The following ARHGAP15 variants were observed in gnomAD, a reference collection of about 807,000 sequenced individuals.
ARHGAP15 encodes rho GTPase-activating protein 15.
A neutral mutation model predicts 63.7 loss-of-function variants in ARHGAP15; 51 were observed. The ratio of observed to expected loss-of-function variants is 0.80; its 90% CI spans 0.64 to 1.01. ARHGAP15 has a LOEUF of 1.01. Ranked by LOEUF, ARHGAP15 falls within the 50% of genes least tolerant of loss-of-function variation. The pLI, the probability that ARHGAP15 is intolerant of heterozygous loss-of-function variation, is 0.00. For synonymous variants in ARHGAP15, 191 were observed against 193.8 expected (o/e 0.99, Z 0.12); for missense variants, 560 against 564.6 (o/e 0.99, Z 0.08).
intron 2 of ARHGAP15, among the ~76,000 whole-genome samples, chr2:143,183,686 C>T (rs1005159293): frequency 2.6e-5 from 4 of 151,312 alleles, no homozygotes; most frequent in African/African-American, 9.7e-5. Context: ...TCTAAATACC[C>T]AGAGATTTCT....
intron 6 of ARHGAP15, among the ~76,000 whole-genome samples, chr2:143,315,820 C>T (rs1438523189): frequency 1.3e-5 from 2 of 149,744 alleles, no homozygotes; most frequent in East Asian, 1.9e-4. Context: ...AGCAGTGGCT[C>T]GGGCCTGTAA....
At chr2:143,370,488 TAAAGTA>T (rs1294315047) in intron 6 of ARHGAP15, among the ~76,000 whole-genome samples, 1 of 148,262 alleles carries the variant, frequency 6.7e-6, no homozygotes, top group Non-Finnish European at 1.5e-5. Flanking sequence ...CCCTAAAACT[TAAAGTA>T]TAATAATAAA....
At chr2:143,586,680 T>A (rs1697122701) in intron 11 of ARHGAP15, among the ~76,000 whole-genome samples, 1 of 151,338 alleles carries the variant, frequency 6.6e-6, no homozygotes, top group Non-Finnish European at 1.5e-5. Flanking sequence ...TGTAAATATT[T>A]TTTTTTTAAC....
chr2:143,533,463 A>T (rs1559032910), intron 10 of ARHGAP15: 1 of 152,264 alleles, frequency 6.6e-6, no homozygotes, highest in East Asian at 1.9e-4. Flanking sequence ...TCCTTCTGGC[A>T]CACCTGCCTC....
chr2:143,553,023 A>G (rs868863269), intron 10 of ARHGAP15, among the ~76,000 whole-genome samples: 3 of 152,186 alleles, frequency 2.0e-5, no homozygotes, highest in Non-Finnish European at 4.4e-5. Flanking sequence ...CAAATCCACC[A>G]ATTTACATTG....
intron 6 of ARHGAP15, among the ~76,000 whole-genome samples, chr2:143,404,889 T>C (rs1220862364): frequency 6.6e-6 from 1 of 152,024 alleles, no homozygotes; most frequent in Non-Finnish European, 1.5e-5. Context: ...ACTTAGGTAG[T>C]GGTGAGAACT....
chr2:143,413,971 G>GCGCGCGCGCGCGCGCGCGCGCA (rs147891307), intron 6 of ARHGAP15, among the ~76,000 whole-genome samples: 2 of 147,640 alleles, frequency 1.4e-5, no homozygotes, highest in East Asian at 2.0e-4. Flanking sequence ...GTGTGTGCGC[G>GCGCGCGCGCGCGCGCGCGCGCA]CTCTCTGGCA....
At chr2:143,157,541 T>C (rs1286619679) in intron 2 of ARHGAP15, among the ~76,000 whole-genome samples, 1 of 151,872 alleles carries the variant, frequency 6.6e-6, no homozygotes, top group Admixed American at 6.6e-5. Flanking sequence ...GCAATATGTA[T>C]TCCTCGATAA....
intron 6 of ARHGAP15, among the ~76,000 whole-genome samples, chr2:143,426,870 T>C (rs1183690582): frequency 1.3e-5 from 2 of 152,232 alleles, no homozygotes; most frequent in Admixed American, 6.5e-5. Context: ...TGTAAAATTA[T>C]GAAATACACC....
rs190357690 is a variant in ARHGAP15 at position 143,620,173 on chromosome 2, T to A, written c.1004-3960T>A. Among the ~76,000 whole-genome samples, 73 of 152,310 alleles carry A rather than the reference T, an allele frequency of 4.8e-4. No homozygotes were observed. The East Asian group carries it at 0.012, about 26-fold the overall frequency. ...TGTTTTTCAGGTACATTTTCCCATT[T>A]GATACCAACAATTATCCTTCTATCT... On this transcript the variant is annotated intron_variant, in intron 11 of 13. Transcript: ENST00000295095.
intron 6 of ARHGAP15, among the ~76,000 whole-genome samples, chr2:143,254,867 T>TAAA (rs10547943): frequency 2.0e-5 from 3 of 148,780 alleles, no homozygotes; most frequent in Non-Finnish European, 4.5e-5. Context: ...TCACTCCTAT[T>TAAA]AAAAAAAAAA....
chr2:143,643,874 G>A (rs1194637894), intron 12 of ARHGAP15, among the ~76,000 whole-genome samples: 2 of 152,054 alleles, frequency 1.3e-5, no homozygotes, highest in Admixed American at 1.3e-4. Context: ...AAATTGAGAA[G>A]CTGTGTTGAT....
At chr2:143,562,779 A>G (rs1236574648) in intron 11 of ARHGAP15, among the ~76,000 whole-genome samples, 1 of 152,214 alleles carries the variant, frequency 6.6e-6, no homozygotes, top group Non-Finnish European at 1.5e-5. Flanking sequence ...CTAGCTGCTT[A>G]AGAAAATGTA....
intron 8 of ARHGAP15, among the ~76,000 whole-genome samples, chr2:143,457,885 A>T (rs1426742851): frequency 2.6e-5 from 4 of 151,872 alleles, no homozygotes; most frequent in Non-Finnish European, 5.9e-5. Context: ...CATAGTATTA[A>T]ATGTTTTTAA....
At chr2:143,319,315 C>T (rs1276240850) in intron 6 of ARHGAP15, among the ~76,000 whole-genome samples, 2 of 151,604 alleles carry the variant, frequency 1.3e-5, no homozygotes, top group Admixed American at 6.6e-5. Flanking sequence ...GCCTCAGCCT[C>T]GCAGGTTCAT....
At chr2:143,316,486 G>C (rs13408957) in intron 6 of ARHGAP15, among the ~76,000 whole-genome samples, 18,028 of 149,360 alleles carry the variant, frequency 0.12, 1,408 homozygotes, top group African/African-American at 0.22. Flanking sequence ...TCTTTGCCTG[G>C]CAGAATCTCG....
chr2:143,239,413 G>T (rs1407209507), intron 5 of ARHGAP15, among the ~76,000 whole-genome samples: 1 of 151,996 alleles, frequency 6.6e-6, no homozygotes. Context: ...TTGTCTAATA[G>T]AATTTTGTAC....
intron 11 of ARHGAP15, chr2:143,608,031 T>C (rs1024224539): frequency 2.0e-5 from 3 of 152,192 alleles, no homozygotes; most frequent in Non-Finnish European, 4.4e-5. Flanking sequence ...GTTCTGTCTC[T>C]TGTTTTTTTC....
At chr2:143,413,966 T>TGTGCGCGCGCGC in intron 6 of ARHGAP15, among the ~76,000 whole-genome samples, 14,963 of 117,488 alleles carry the variant, frequency 0.13, 1,138 homozygotes, top group Non-Finnish European at 0.17. Flanking sequence ...TGTGTGTGTG[T>TGTGCGCGCGCGC]GCGCGCTCTC....
Sources: gnomAD v4.1 joint callset for allele counts (sites outside exome capture counted in the v4.1 genomes callset) on GRCh38, gnomAD v4.1.1 for gene constraint, MANE v1.5 for transcripts, NCBI Gene and HGNC (gene_info 2026-07-23, HGNC 2026-07-21) for gene names.